The following SERPINI2 variants were observed in gnomAD, a reference collection of about 807,000 sequenced individuals.
SERPINI2 encodes serpin family I member 2, also known as serpin I2.
Under a neutral mutation model 47.3 loss-of-function variants are expected in SERPINI2, and 48 were observed. The ratio of observed to expected loss-of-function variants is 1.02; its 90% CI spans 0.81 to 1.29. SERPINI2 has a LOEUF of 1.29. Among genes scored for constraint, SERPINI2 ranks in the 50% most tolerant of loss-of-function variants. The pLI, the probability that SERPINI2 is intolerant of heterozygous loss-of-function variation, is 0.00. For synonymous variants in SERPINI2, 135 were observed against 149.3 expected (o/e 0.90, Z 0.70); for missense variants, 448 against 456.9 (o/e 0.98, Z 0.18).
At chr3:167,449,481 CATTT>C (rs199582993) in intron 6 of SERPINI2, 79 bp from the exon 7 acceptor site, 239 of 664,620 alleles carry the variant, frequency 3.6e-4, no homozygotes, top group East Asian at 5.4e-4. Flanking sequence ...CAATTAATTA[CATTT>C]ATTTATTTAT....
chr3:167,455,838 A>T (rs1028957232), intron 5 of SERPINI2, among the ~76,000 whole-genome samples: 2 of 152,074 alleles, frequency 1.3e-5, no homozygotes, highest in Non-Finnish European at 2.9e-5. Context: ...CAGGGGCTAC[A>T]CACTTTTGAA....
intron 5 of SERPINI2, among the ~76,000 whole-genome samples, 169 bp downstream of exon 5, chr3:167,465,037 C>G (rs1750094406): frequency 6.6e-6 from 1 of 152,156 alleles, no homozygotes; most frequent in Admixed American, 6.5e-5. Context: ...AATGCTAGCA[C>G]AGGTAAGCCC....
chr3:167,445,725 T>A (rs527474789), intron 8 of SERPINI2, among the ~76,000 whole-genome samples: 12 of 152,314 alleles, frequency 7.9e-5, no homozygotes, highest in African/African-American at 2.9e-4. Flanking sequence ...ATTTTCCCAC[T>A]GTATTCACAT....
chr3:167,443,379 T>C (rs975990113), intron 8 of SERPINI2, among the ~76,000 whole-genome samples: 9 of 152,180 alleles, frequency 5.9e-5, no homozygotes, highest in Non-Finnish European at 1.0e-4. Context: ...AGTGCTGGGA[T>C]TACAGGCGTG....
At chr3:167,452,944 C>G in exon 6 of SERPINI2, 1 of 1,585,454 alleles carries the variant, frequency 6.3e-7, no homozygotes, top group Non-Finnish European at 8.6e-7. Context: ...ACCTGTTATT[C>G]CAGAAAGGTC....
At position 167,442,465 on chromosome 3, in the gene SERPINI2, G is replaced by T. The variant is rs1198664320; in HGVS notation, c.1142-280C>A. On this transcript the variant is annotated intron_variant, in intron 8 of 8. Coordinates refer to ENST00000264677, the Ensembl canonical transcript of SERPINI2. ...TCATAGAGGGAAACAAAAATAAAGT[G>T]ACAGAGAGGTGTTCTTCTAAATATA... Among the ~76,000 whole-genome samples the T allele has an allele frequency of 3.3e-5, 5 of 152,170 alleles. No individual in the cohort carries two copies. In the East Asian group the frequency reaches 9.6e-4, roughly 29 times the overall value.
intron 2 of SERPINI2, among the ~76,000 whole-genome samples, chr3:167,470,579 T>TTTTTTTTTTTC (rs1750282022): frequency 4.2e-5 from 5 of 119,866 alleles, no homozygotes; most frequent in African/African-American, 1.5e-4. Flanking sequence ...TTTTTTTTTT[T>TTTTTTTTTTTC]GGAGAAGGAG....
chr3:167,455,602 A>AG (rs1553855173), intron 5 of SERPINI2, among the ~76,000 whole-genome samples: 1 of 150,872 alleles, frequency 6.6e-6, no homozygotes, highest in Non-Finnish European at 1.5e-5. Flanking sequence ...TCAAAAAAAA[A>AG]AAAAGAAAAG....
rs111822300 is a variant in SERPINI2 at position 167,467,018 on chromosome 3, T to C, written c.478+37A>G. The C allele has an allele frequency of 2.5e-5, 37 of 1,470,870 alleles. 1 individual carries two copies. Among genetic ancestry groups the C allele is most frequent in the African/African-American group, 2.1e-4 (15 of 71,304 alleles). 91.1% of individuals were successfully genotyped at this position (1,470,870 alleles called of 1,614,324 possible). On this transcript the variant is annotated intron_variant, in intron 3 of 8. Coordinates refer to ENST00000264677, the Ensembl canonical transcript of SERPINI2. Reference sequence around the variant, plus strand: ...AGGATATTAAAAACCATGAATACAATGGCAAATAATAATTTTATGAAAATG... The same window carrying C: ...AGGATATTAAAAACCATGAATACAACGGCAAATAATAATTTTATGAAAATG...
At chr3:167,459,609 G>A (rs1046550385) in intron 5 of SERPINI2, among the ~76,000 whole-genome samples, 1 of 150,950 alleles carries the variant, frequency 6.6e-6, no homozygotes, top group Non-Finnish European at 1.5e-5. Context: ...TTCTTAAGCA[G>A]TAACTATAAT....
intron 5 of SERPINI2, among the ~76,000 whole-genome samples, chr3:167,463,177 T>C (rs1750030491): frequency 6.6e-6 from 1 of 151,772 alleles, no homozygotes; most frequent in African/African-American, 2.4e-5. Context: ...ATTTCAAAGC[T>C]AGGAGAAGTA....
chr3:167,450,003 C>CAGAG (rs1318756127), intron 6 of SERPINI2, among the ~76,000 whole-genome samples: 2 of 152,174 alleles, frequency 1.3e-5, no homozygotes, highest in Non-Finnish European at 2.9e-5. Flanking sequence ...TTTGAAGGGA[C>CAGAG]AGAGAGCTTT....
At chr3:167,461,626 T>C (rs548068033) in intron 5 of SERPINI2, among the ~76,000 whole-genome samples, 6 of 152,110 alleles carry the variant, frequency 3.9e-5, no homozygotes, top group African/African-American at 1.4e-4. Flanking sequence ...TTTTTTTTTT[T>C]TGGAGATAGG....
chr3:167,466,495 C>T (rs1030699264), intron 3 of SERPINI2, among the ~76,000 whole-genome samples: 7 of 152,248 alleles, frequency 4.6e-5, no homozygotes, highest in Middle Eastern at 3.4e-3. Context: ...TGGAGCATAG[C>T]TTATAACTTT....
At chr3:167,464,879 A>T (rs546844280) in intron 5 of SERPINI2, among the ~76,000 whole-genome samples, 68 of 152,316 alleles carry the variant, frequency 4.5e-4, no homozygotes, top group African/African-American at 1.6e-3. Flanking sequence ...ATAAATATTA[A>T]AAATTCCAGT....
intron 5 of SERPINI2, among the ~76,000 whole-genome samples, chr3:167,461,105 T>C (rs1749969293): frequency 6.6e-6 from 1 of 152,054 alleles, no homozygotes; most frequent in Non-Finnish European, 1.5e-5. Context: ...AGGGAAACCA[T>C]GGAGGATTAA....
chr3:167,466,989 C>A, intron 3 of SERPINI2, 66 bp downstream of exon 3: 6 of 1,143,278 alleles, frequency 5.2e-6, no homozygotes, highest in Non-Finnish European at 6.3e-6. Flanking sequence ...CCATTCTTTA[C>A]TTTAGGATAT....
At position 167,442,258 on chromosome 3, in the gene SERPINI2, T is replaced by C. The variant is rs1471161350; in HGVS notation, c.1142-73A>G. On this transcript the variant is annotated intron_variant, in intron 8 of 8. Coordinates refer to ENST00000264677, the Ensembl canonical transcript of SERPINI2. ...AACAACTGACAATAATTAGTTTTTCTTAATATTTAACATGTCATTTGGTCT... is the reference window on the plus strand; with the variant it reads ...AACAACTGACAATAATTAGTTTTTCCTAATATTTAACATGTCATTTGGTCT... The C allele has an allele frequency of 2.7e-6, 3 of 1,102,580 alleles. No homozygotes were observed. The East Asian group carries it at 8.0e-5, about 29-fold the overall frequency. 68.3% of individuals were successfully genotyped at this position (1,102,580 alleles called of 1,614,324 possible).
exon 3 of SERPINI2, chr3:167,467,238 T>C (rs766931899): frequency 6.2e-7 from 1 of 1,612,974 alleles, no homozygotes; most frequent in Admixed American, 1.7e-5. Context: ...TCTTGTTTTT[T>C]CTCTGAGATG....
Sources: gnomAD v4.1 joint callset for allele counts (sites outside exome capture counted in the v4.1 genomes callset) on GRCh38, gnomAD v4.1.1 for gene constraint, MANE v1.5 for transcripts, NCBI Gene and HGNC (gene_info 2026-07-23, HGNC 2026-07-21) for gene names.